The following PDE4B variants were observed in gnomAD, a reference collection of about 807,000 sequenced individuals.
The protein encoded by PDE4B is phosphodiesterase 4B, also known as 3',5'-cyclic-AMP phosphodiesterase 4B.
Under a neutral mutation model 82.2 loss-of-function variants are expected in PDE4B, and 20 were observed. That is an observed-to-expected ratio of 0.24 (90% CI 0.17 to 0.35). The LOEUF is 0.35. Among genes scored for constraint, PDE4B ranks in the 10% least tolerant of loss-of-function variants. The probability of loss-of-function intolerance (pLI) is 1.00; values close to 1 mark genes in which losing one functional copy is unlikely to be tolerated. For missense variants in PDE4B, 655 were observed against 907.2 expected, an observed-to-expected ratio of 0.72 and a Z score of 3.57; for synonymous variants, 320 against 318.9, an observed-to-expected ratio of 1.00 and a Z score of -0.04.
intron 1 of PDE4B, among the ~76,000 whole-genome samples, chr1:65,875,102 A>G (rs1646623894): frequency 6.6e-6 from 1 of 152,050 alleles, no homozygotes; most frequent in Non-Finnish European, 1.5e-5. Flanking sequence ...ACAAATGTAC[A>G]AGAAAAAAAC....
chr1:65,835,107 G>T (rs2101314176), intron 1 of PDE4B, among the ~76,000 whole-genome samples: 1 of 152,226 alleles, frequency 6.6e-6, no homozygotes, highest in East Asian at 1.9e-4. Flanking sequence ...ACAAATAATA[G>T]GACAAGCAGG....
At chr1:65,974,126 A>T (rs774872878) in intron 3 of PDE4B, among the ~76,000 whole-genome samples, 18 of 152,070 alleles carry the variant, frequency 1.2e-4, no homozygotes, top group Non-Finnish European at 4.4e-5. Flanking sequence ...AATAATTTTT[A>T]TGTCACCAAG....
At chr1:65,800,688 A>G (rs1645684195) in intron 1 of PDE4B, among the ~76,000 whole-genome samples, 1 of 152,248 alleles carries the variant, frequency 6.6e-6, no homozygotes, top group South Asian at 2.1e-4. Flanking sequence ...GCAATTAAGT[A>G]TTATCCATAA....
chr1:66,114,300 G>T (rs1645548119), intron 3 of PDE4B, among the ~76,000 whole-genome samples: 3 of 152,102 alleles, frequency 2.0e-5, no homozygotes, highest in South Asian at 2.1e-4. Context: ...ATAGTATTTT[G>T]TCATAGTTAC....
intron 3 of PDE4B, among the ~76,000 whole-genome samples, chr1:66,209,193 T>C (rs1345102900): frequency 6.6e-6 from 1 of 152,228 alleles, no homozygotes; most frequent in Non-Finnish European, 1.5e-5. Context: ...TGCTAATATC[T>C]GCTTTGCTCA....
intron 1 of PDE4B, among the ~76,000 whole-genome samples, chr1:65,828,327 C>T (rs1027509364): frequency 2.0e-5 from 3 of 152,026 alleles, no homozygotes; most frequent in Non-Finnish European, 4.4e-5. Flanking sequence ...CTCACTGCAA[C>T]CTCTGCCTCC....
intron 1 of PDE4B, among the ~76,000 whole-genome samples, chr1:65,873,365 C>T (rs1316871): frequency 0.5 from 75,979 of 151,898 alleles, 19,354 homozygotes; most frequent in African/African-American, 0.57. Context: ...CCCAAAGAGC[C>T]AGATACATTT....
At chr1:65,820,626 A>G (rs1233135991) in intron 1 of PDE4B, among the ~76,000 whole-genome samples, 1 of 152,236 alleles carries the variant, frequency 6.6e-6, no homozygotes, top group African/African-American at 2.4e-5. Context: ...CCTTAAATTT[A>G]GGTTTTAATT....
chr1:65,900,498 G>A (rs1017147985), intron 1 of PDE4B, among the ~76,000 whole-genome samples: 1 of 151,892 alleles, frequency 6.6e-6, no homozygotes, highest in African/African-American at 2.4e-5. Context: ...TGTGAAAAAT[G>A]ATGTTAGTTT....
intron 3 of PDE4B, among the ~76,000 whole-genome samples, chr1:65,921,050 G>A (rs1647232085): frequency 7.7e-6 from 1 of 129,968 alleles, no homozygotes; most frequent in South Asian, 2.6e-4. Context: ...CTCACTGCAA[G>A]CTCCGCCTCC....
chr1:66,089,630 G>A (rs1644971618), intron 3 of PDE4B, among the ~76,000 whole-genome samples: 1 of 151,858 alleles, frequency 6.6e-6, no homozygotes, highest in African/African-American at 2.4e-5. Flanking sequence ...GAGTTGCTTA[G>A]CCAGTCACCT....
intron 3 of PDE4B, among the ~76,000 whole-genome samples, chr1:66,201,848 C>T (rs1220665300): frequency 6.6e-6 from 1 of 152,016 alleles, no homozygotes; most frequent in Non-Finnish European, 1.5e-5. Flanking sequence ...CTATTTCCTT[C>T]AGTTCTGCTC....
intron 8 of PDE4B, 120 bp downstream of exon 8, chr1:66,332,740 G>C: frequency 1.3e-6 from 1 of 781,414 alleles, no homozygotes; most frequent in Admixed American, 2.8e-5. Flanking sequence ...TATGTTTGTT[G>C]CTTTGTCTAG....
At chr1:66,367,476 A>T (rs1227501755) in intron 13 of PDE4B, 1 of 402,916 alleles carries the variant, frequency 2.5e-6, no homozygotes. Context: ...AATGAATTTT[A>T]ATCACAGGGA....
intron 4 of PDE4B, among the ~76,000 whole-genome samples, chr1:66,248,882 T>G (rs1653532030): frequency 6.6e-6 from 1 of 152,248 alleles, no homozygotes; most frequent in Admixed American, 6.5e-5. Context: ...TCTGTTAATC[T>G]GTCAGGTAGG....
chr1:66,025,823 T>C (rs2489922), intron 3 of PDE4B, among the ~76,000 whole-genome samples: 149,368 of 152,308 alleles, frequency 0.98, 73,297 homozygotes, highest in Middle Eastern at 1. Flanking sequence ...AATTTAGGAC[T>C]GCTAACAACC....
chr1:65,871,787 TA>T (rs917985174), intron 1 of PDE4B, among the ~76,000 whole-genome samples: 6 of 152,170 alleles, frequency 3.9e-5, no homozygotes, highest in Non-Finnish European at 7.3e-5. Flanking sequence ...TAATTACCAA[TA>T]AAAATCATGT....
intron 7 of PDE4B, among the ~76,000 whole-genome samples, chr1:66,311,390 G>A (rs1004336719): frequency 1.3e-5 from 2 of 152,272 alleles, no homozygotes; most frequent in Non-Finnish European, 2.9e-5. Flanking sequence ...ATTGCTATGA[G>A]AAGACATGCC....
chr1:66,113,233 A>G (rs543678867), intron 3 of PDE4B, among the ~76,000 whole-genome samples: 1 of 152,320 alleles, frequency 6.6e-6, no homozygotes, highest in African/African-American at 2.4e-5. Context: ...CTTTATTTGC[A>G]TTTGGTATTT....
Sources: allele counts gnomAD v4.1 joint callset (sites outside exome capture counted in the v4.1 genomes callset), GRCh38; gene constraint gnomAD v4.1.1; transcripts MANE v1.5; gene names NCBI Gene and HGNC (gene_info 2026-07-23, HGNC 2026-07-21).